Variants in CEP162 observed in about 807,000 individuals in gnomAD.
The protein encoded by CEP162 is centrosomal protein 162.
Under a neutral mutation model 169.2 loss-of-function variants are expected in CEP162, and 141 were observed. The observed-to-expected ratio is 0.83, with a 90% CI of 0.73 to 0.96. The LOEUF (loss-of-function observed/expected upper bound fraction) is 0.96. CEP162 is among the 40% of genes least tolerant of loss of function. The probability of loss-of-function intolerance (pLI) is 0.00; values close to 1 mark genes in which losing one functional copy is unlikely to be tolerated. For synonymous variants in CEP162, 540 were observed against 526.4 expected, an observed-to-expected ratio of 1.03 and a Z score of -0.35; for missense variants, 1,600 against 1,587.2, an observed-to-expected ratio of 1.01 and a Z score of -0.14.
At chr6:84,148,101 C>A (rs1252525028) in intron 24 of CEP162, among the ~76,000 whole-genome samples, 1 of 152,148 alleles carries the variant, frequency 6.6e-6, no homozygotes, top group Non-Finnish European at 1.5e-5. Flanking sequence ...TGCCCTCTGA[C>A]ACCCTATTCC....
At chr6:84,164,103 C>T (rs2099526840) in intron 18 of CEP162, among the ~76,000 whole-genome samples, 1 of 151,488 alleles carries the variant, frequency 6.6e-6, no homozygotes, top group African/African-American at 2.4e-5. Context: ...TGAAAAAAAG[C>T]TCATCATCAC....
chr6:84,138,733 T>A lies in CEP162; in HGVS notation c.3870+7954A>T, dbSNP rs527454462. ...CTAAATTAACAACAATTAAGTTAACTAAAACTGACTTCATTATCTTGCAAA... is the reference window on the plus strand; with the variant it reads ...CTAAATTAACAACAATTAAGTTAACAAAAACTGACTTCATTATCTTGCAAA... On this transcript the variant is annotated intron_variant, in intron 25 of 26. Transcript: ENST00000403245. Among the ~76,000 whole-genome samples the A allele has an allele frequency of 6.6e-5, 10 of 152,342 alleles. No individual in the cohort carries two copies. The East Asian group carries it at 1.9e-3, about 29-fold the overall frequency.
At chr6:84,159,692 G>A (rs2099524930) in intron 21 of CEP162, among the ~76,000 whole-genome samples, 1 of 148,222 alleles carries the variant, frequency 6.7e-6, no homozygotes, top group Non-Finnish European at 1.5e-5. Flanking sequence ...ACCCTCCCAA[G>A]TAGCTAGGAT....
At chr6:84,140,141 A>C (rs1377521610) in intron 25 of CEP162, among the ~76,000 whole-genome samples, 1 of 152,116 alleles carries the variant, frequency 6.6e-6, no homozygotes, top group African/African-American at 2.4e-5. Flanking sequence ...CAGCCAGGTG[A>C]ACAGGGTGGG....
chr6:84,126,509 T>G lies in CEP162; in HGVS notation c.3874A>C (p.Thr1292Pro). The G allele has an allele frequency of 6.6e-7, 1 of 1,522,592 alleles. No individual in the cohort carries two copies. Among genetic ancestry groups the G allele is most frequent in the Non-Finnish European group, 8.8e-7 (1 of 1,133,104 alleles). The allele number at this position is 1,522,592 out of a possible 1,614,324, so 94.3% of individuals were successfully genotyped here. The change falls in exon 26 of 27, where the codon ACA becomes CCA. Residue 1292 changes from threonine (T) to proline (P), a missense_variant. Coordinates refer to ENST00000403245, the MANE Select transcript of CEP162 (RefSeq NM_014895.4). Reference sequence around the variant, plus strand: ...TCTCTCAATTCTTCTAAGAGTTTTGTAATCTAAAATTGACATATGAAGCAA... The same window carrying G: ...TCTCTCAATTCTTCTAAGAGTTTTGGAATCTAAAATTGACATATGAAGCAA... ...VREEILQKEI[T>P]KLLEELREAK...
At chr6:84,138,240 A>G (rs979028124) in intron 25 of CEP162, among the ~76,000 whole-genome samples, 2 of 152,218 alleles carry the variant, frequency 1.3e-5, no homozygotes, top group Admixed American at 6.5e-5. Flanking sequence ...AAAACAGCAC[A>G]AAATATTTGA....
intron 13 of CEP162, among the ~76,000 whole-genome samples, 177 bp from the exon 14 acceptor site, chr6:84,175,524 T>C (rs1045179692): frequency 4.6e-5 from 7 of 152,270 alleles, no homozygotes; most frequent in South Asian, 4.1e-4. Context: ...TTCAGAAAGA[T>C]TGCCACTCCA....
At chr6:84,144,919 C>T (rs770380134) in intron 25 of CEP162, among the ~76,000 whole-genome samples, 1 of 151,998 alleles carries the variant, frequency 6.6e-6, no homozygotes, top group Non-Finnish European at 1.5e-5. Context: ...GCTGAGTATT[C>T]TTATTTTCAC....
rs776044748 is a variant in CEP162, at chr6:84,152,709, G to C, written c.3465C>G (p.Asp1155Glu). The change falls in exon 23 of 27, where the codon GAC (aspartate) becomes GAG (glutamate). Residue 1155 changes from aspartate to glutamate, a missense_variant. Physicochemically the swap from Asp to Glu is conservative, Grantham distance 45. Coordinates refer to ENST00000403245, the MANE Select transcript of CEP162 (RefSeq NM_014895.4). The stretch of plus-strand genomic sequence containing the variant: ...AAGTATGTGGTTGGTACAGCTTGCT[G>C]TCCAGGGTTCCAGGGAAGGAGTTAG... The part of the protein sequence containing the change: ...GNANSFPGTL[D>E]SKLYQPHTFT... The C allele has an allele frequency of 1.2e-6, 2 of 1,613,084 alleles. No individual in the cohort carries two copies. Among genetic ancestry groups the C allele is most frequent in the Admixed American group, 3.3e-5 (2 of 59,814 alleles).
At chr6:84,214,975 CTT>C (rs2099550965) in intron 5 of CEP162, among the ~76,000 whole-genome samples, 1 of 152,098 alleles carries the variant, frequency 6.6e-6, no homozygotes, top group Admixed American at 6.5e-5. Flanking sequence ...CCTGGACTCT[CTT>C]TATTTGTCTG....
chr6:84,137,823 TA>T (rs545985749), intron 25 of CEP162, among the ~76,000 whole-genome samples: 1 of 152,078 alleles, frequency 6.6e-6, no homozygotes, highest in East Asian at 1.9e-4. Flanking sequence ...TCTAGAGTCT[TA>T]AAAAAACCCA....
chr6:84,158,629 A>G (rs1170729884), intron 21 of CEP162, among the ~76,000 whole-genome samples: 3 of 152,190 alleles, frequency 2.0e-5, no homozygotes, highest in African/African-American at 7.2e-5. Context: ...TTCACCCGAA[A>G]AATTCAAAGC....
At position 84,221,081 on chromosome 6, in the gene CEP162, T is replaced by A; in HGVS notation, c.148A>T (p.Thr50Ser). The A allele has an allele frequency of 6.3e-7, 1 of 1,586,314 alleles. No individual in the cohort carries two copies. Among genetic ancestry groups the A allele is most frequent in the South Asian group, 1.1e-5 (1 of 90,008 alleles). Reference sequence around the variant, plus strand: ...CCATCATCTTTAAAATCATCTTCAGTTATCCACCAAGGCACTGTATCTTTC... The same window carrying A: ...CCATCATCTTTAAAATCATCTTCAGATATCCACCAAGGCACTGTATCTTTC... ...KKKDTVPWWITEDDFKDDGLL... is the reference protein window; with the variant it reads ...KKKDTVPWWISEDDFKDDGLL... Residue 50 changes from threonine to serine, a missense_variant, in exon 3 of 27, where the codon ACT becomes TCT. By Grantham distance (58) the Thr-to-Ser change is moderately conservative (BLOSUM62 1). Coordinates refer to ENST00000403245, the MANE Select transcript of CEP162 (RefSeq NM_014895.4).
At chr6:84,152,475 T>G (rs1382377555) in intron 23 of CEP162, 70 bp downstream of exon 23, 1 of 812,398 alleles carries the variant, frequency 1.2e-6, no homozygotes, top group African/African-American at 1.8e-5. Context: ...CTGGAGGAAA[T>G]ATATCGTATA....
At chr6:84,227,025 G>C (rs2099556005) in intron 1 of CEP162, among the ~76,000 whole-genome samples, 2 of 152,204 alleles carry the variant, frequency 1.3e-5, no homozygotes, top group Admixed American at 1.3e-4. Context: ...AATACTTAAA[G>C]TTAATGGAGT....
chr6:84,156,817 G>A (rs2099523414), intron 21 of CEP162, among the ~76,000 whole-genome samples: 3 of 151,180 alleles, frequency 2.0e-5, no homozygotes, highest in Admixed American at 2.0e-4. Context: ...ATGTTTTGAA[G>A]CAACATGGAT....
intron 16 of CEP162, among the ~76,000 whole-genome samples, chr6:84,172,916 A>AT (rs2099530763): frequency 6.6e-6 from 1 of 152,224 alleles, no homozygotes; most frequent in African/African-American, 2.4e-5. Context: ...TGATTTGAAG[A>AT]TAACTAAACC....
chr6:84,162,243 A>C (rs2099526068), intron 19 of CEP162, among the ~76,000 whole-genome samples: 1 of 152,216 alleles, frequency 6.6e-6, no homozygotes, highest in Admixed American at 6.5e-5. Context: ...TTAAGAAATA[A>C]TAAAAATGAA....
chr6:84,147,895 GA>G (rs1230220912), intron 24 of CEP162, among the ~76,000 whole-genome samples: 1 of 152,014 alleles, frequency 6.6e-6, no homozygotes, highest in Non-Finnish European at 1.5e-5. Flanking sequence ...GAGAAATTGG[GA>G]AAAATTTATC....
Sources: allele counts gnomAD v4.1 joint callset (sites outside exome capture counted in the v4.1 genomes callset), GRCh38; gene constraint gnomAD v4.1.1; transcripts MANE v1.5; gene names NCBI Gene and HGNC (gene_info 2026-07-23, HGNC 2026-07-21).